The following HS6ST3 variants were observed in gnomAD, a reference collection of about 807,000 sequenced individuals.
The protein encoded by HS6ST3 is heparan sulfate 6-O-sulfotransferase 3.
HS6ST3 carries 12 observed loss-of-function variants against 36.7 expected under a neutral mutation model. That is an observed-to-expected ratio of 0.33 (90% confidence interval 0.21 to 0.53). The LOEUF is 0.53. HS6ST3 is among the 20% of genes least tolerant of loss of function. The pLI is 0.95. For missense variants in HS6ST3, 584 were observed against 640.9 expected, an observed-to-expected ratio of 0.91 and a Z score of 0.96; for synonymous variants, 240 against 257.5, an observed-to-expected ratio of 0.93 and a Z score of 0.65.
chr13:96,116,516 G>C lies in HS6ST3; in HGVS notation c.707+24947G>C, dbSNP rs148156277. Among the ~76,000 whole-genome samples the C allele has an allele frequency of 2.9e-3, 434 of 152,258 alleles. 3 individuals carry two copies. The highest frequency in any genetic ancestry group is 9.9e-3 in the African/African-American group (412 of 41,550). The stretch of plus-strand genomic sequence containing the variant: ...CAGACACCCCCAAAATGCGTTTAAC[G>C]TGCAGTGAAATCTCCCATCCCCACT... On this transcript the variant is annotated intron_variant, in intron 1 of 1. Transcript: ENST00000376705.
chr13:96,662,786 A>G (rs191603248), intron 1 of HS6ST3, among the ~76,000 whole-genome samples: 28 of 151,790 alleles, frequency 1.8e-4, no homozygotes, highest in Admixed American at 1.7e-3. Flanking sequence ...TTTGGATGGG[A>G]TGTTTTCTTT....
intron 1 of HS6ST3, among the ~76,000 whole-genome samples, chr13:96,589,988 C>A (rs1009416421): frequency 1.7e-4 from 26 of 152,118 alleles, no homozygotes; most frequent in African/African-American, 6.0e-4. Flanking sequence ...ATCTCCAGTT[C>A]CATCTATGTT....
At chr13:96,304,723 T>TCTTTCTTTCTTTCTTTC (rs1278260017) in intron 1 of HS6ST3, among the ~76,000 whole-genome samples, 4 of 68,626 alleles carry the variant, frequency 5.8e-5, no homozygotes, top group Admixed American at 1.2e-4. Flanking sequence ...TTTTTTTTTT[T>TCTTTCTTTCTTTCTTTC]TTTTTTTTAC....
Position 96,711,217 on chromosome 13 carries a change from G to A in HS6ST3, c.708-121273G>A, listed in dbSNP as rs1028663815. Among the ~76,000 whole-genome samples, 3 of 152,212 alleles carry A rather than the reference G, an allele frequency of 2.0e-5. No homozygotes were observed. The East Asian group carries it at 5.8e-4, about 30-fold the overall frequency. Reference sequence around the variant, plus strand: ...CTCCCCCTTGGTTGGCCACACCTCAGCCTATAACCTCTGACCTGCCCAAAA... The same window carrying A: ...CTCCCCCTTGGTTGGCCACACCTCAACCTATAACCTCTGACCTGCCCAAAA... On this transcript the variant is annotated intron_variant, in intron 1 of 1. Coordinates refer to ENST00000376705, the MANE Select transcript of HS6ST3 (RefSeq NM_153456.4).
intron 1 of HS6ST3, among the ~76,000 whole-genome samples, chr13:96,579,427 C>T (rs1483414093): frequency 6.6e-6 from 1 of 151,982 alleles, no homozygotes; most frequent in Non-Finnish European, 1.5e-5. Context: ...TCAACAAACT[C>T]TTTAGTGAAG....
intron 1 of HS6ST3, among the ~76,000 whole-genome samples, chr13:96,490,370 G>A (rs1339756652): frequency 6.6e-6 from 1 of 152,008 alleles, no homozygotes; most frequent in Non-Finnish European, 1.5e-5. Flanking sequence ...ACTGGTCATG[G>A]GGAGTAAGGT....
intron 1 of HS6ST3, among the ~76,000 whole-genome samples, chr13:96,493,839 G>A (rs2055958928): frequency 6.6e-6 from 1 of 152,024 alleles, no homozygotes; most frequent in Non-Finnish European, 1.5e-5. Flanking sequence ...ATTTATTAAA[G>A]GAAAATATCA....
chr13:96,458,754 C>G (rs2055766786), intron 1 of HS6ST3, among the ~76,000 whole-genome samples: 1 of 151,866 alleles, frequency 6.6e-6, no homozygotes, highest in South Asian at 2.1e-4. Context: ...ATTAAAACCA[C>G]CTGGGAACTG....
intron 1 of HS6ST3, among the ~76,000 whole-genome samples, chr13:96,634,429 C>G (rs1354396273): frequency 1.3e-5 from 2 of 152,128 alleles, no homozygotes; most frequent in Non-Finnish European, 2.9e-5. Context: ...TCCTTTGAAA[C>G]TCAACCTTTG....
chr13:96,277,881 T>C (rs959117943), intron 1 of HS6ST3, among the ~76,000 whole-genome samples: 4 of 152,188 alleles, frequency 2.6e-5, no homozygotes, highest in African/African-American at 9.6e-5. Context: ...GTTTGGATTG[T>C]TGTCAGCTAT....
At chr13:96,520,958 A>G (rs1407055465) in intron 1 of HS6ST3, among the ~76,000 whole-genome samples, 1 of 152,186 alleles carries the variant, frequency 6.6e-6, no homozygotes, top group African/African-American at 2.4e-5. Flanking sequence ...GTTTTTGCCT[A>G]TTCAGTATGA....
chr13:96,654,172 G>A (rs1255927276), intron 1 of HS6ST3, among the ~76,000 whole-genome samples: 1 of 152,140 alleles, frequency 6.6e-6, no homozygotes, highest in African/African-American at 2.4e-5. Context: ...TGTTCACTCT[G>A]ATGATAGTTT....
At chr13:96,631,386 A>C (rs1215012049) in intron 1 of HS6ST3, among the ~76,000 whole-genome samples, 1 of 152,230 alleles carries the variant, frequency 6.6e-6, no homozygotes, top group Admixed American at 6.5e-5. Flanking sequence ...ATAAATTTTT[A>C]ATCATGAAAT....
chr13:96,606,664 G>A (rs1249254217), intron 1 of HS6ST3, among the ~76,000 whole-genome samples: 1 of 149,010 alleles, frequency 6.7e-6, no homozygotes, highest in African/African-American at 2.5e-5. Context: ...ATTGGGTGCT[G>A]TGCTCAATGC....
chr13:96,494,544 A>T (rs1014860101), intron 1 of HS6ST3, among the ~76,000 whole-genome samples: 5 of 139,846 alleles, frequency 3.6e-5, no homozygotes, highest in African/African-American at 1.3e-4. Flanking sequence ...AAGTATAATT[A>T]AAAAAAAAAA....
chr13:96,303,881 GC>G (rs1167800895), intron 1 of HS6ST3, among the ~76,000 whole-genome samples: 1 of 152,090 alleles, frequency 6.6e-6, no homozygotes, highest in African/African-American at 2.4e-5. Context: ...AGTGGCTCAC[GC>G]CTGTAATCCC....
At chr13:96,301,597 G>A (rs1265501572) in intron 1 of HS6ST3, among the ~76,000 whole-genome samples, 1 of 152,056 alleles carries the variant, frequency 6.6e-6, no homozygotes, top group African/African-American at 2.4e-5. Context: ...TATGAAATAA[G>A]AAATAATTTT....
At chr13:96,251,112 A>G (rs1269336950) in intron 1 of HS6ST3, among the ~76,000 whole-genome samples, 4 of 152,146 alleles carry the variant, frequency 2.6e-5, no homozygotes, top group Non-Finnish European at 5.9e-5. Flanking sequence ...TGAGCTTGGA[A>G]GTTTTCCCTT....
chr13:96,642,174 T>G (rs141643313), intron 1 of HS6ST3, among the ~76,000 whole-genome samples: 2 of 151,942 alleles, frequency 1.3e-5, no homozygotes, highest in African/African-American at 4.8e-5. Context: ...GCTAGTTTTC[T>G]TTTTATTAAC....
Sources: allele counts gnomAD v4.1 joint callset (sites outside exome capture counted in the v4.1 genomes callset), GRCh38; gene constraint gnomAD v4.1.1; transcripts MANE v1.5; gene names NCBI Gene and HGNC (gene_info 2026-07-23, HGNC 2026-07-21).